NDC80: variants seen among roughly 807,000 people sequenced by gnomAD.
The protein encoded by NDC80 is kinetochore protein NDC80 homolog.
In NDC80, 69 loss-of-function variants were observed where a neutral mutation model predicts 89.3. The ratio of observed to expected loss-of-function variants is 0.77; its 90% CI spans 0.64 to 0.94. NDC80 has a LOEUF of 0.94. Among genes scored for constraint, NDC80 ranks in the 40% least tolerant of loss-of-function variants. NDC80 has a pLI of 0.00. For missense variants in NDC80, 593 were observed against 739.6 expected (o/e 0.80, Z 2.30); for synonymous variants, 243 against 255.6 (o/e 0.95, Z 0.47).
At chr18:2,601,609 A>G in intron 13 of NDC80, 124 bp downstream of exon 13, 1 of 462,702 alleles carries the variant, frequency 2.2e-6, no homozygotes, top group East Asian at 3.4e-5. Flanking sequence ...TGAAAAAATG[A>G]GAATTGGGTA....
In NDC80 at chr18:2,589,241, A is replaced by G; in HGVS notation, c.801A>G (p.Ser267=). The G allele has an allele frequency of 6.2e-7, 1 of 1,613,762 alleles. No homozygotes were observed. The highest frequency in any genetic ancestry group is 8.5e-7 in the Non-Finnish European group (1 of 1,179,696). Residue 267 remains serine (S), a synonymous_variant, in exon 9 of 17, where the codon TCA becomes TCG. Coordinates refer to ENST00000261597, the MANE Select transcript of NDC80 (RefSeq NM_006101.3). ...LFNVDAFKLE[S]LEAKNRALNE... is the part of the protein sequence containing the mutation. Reference sequence around the variant, plus strand: ...ATGTGGATGCTTTTAAGCTGGAATCATTAGAAGCAAAAAACAGAGCATTGA... The same window carrying G: ...ATGTGGATGCTTTTAAGCTGGAATCGTTAGAAGCAAAAAACAGAGCATTGA...
At chr18:2,586,571 AG>A (rs1165489441) in intron 7 of NDC80, among the ~76,000 whole-genome samples, 1 of 152,092 alleles carries the variant, frequency 6.6e-6, no homozygotes, top group East Asian at 1.9e-4. Flanking sequence ...CTCTGCAAAA[AG>A]TACAAAAATT....
chr18:2,607,709 T>C (rs1205241319), intron 14 of NDC80, among the ~76,000 whole-genome samples: 1 of 151,684 alleles, frequency 6.6e-6, no homozygotes, highest in African/African-American at 2.4e-5. Flanking sequence ...TTAGAAACAA[T>C]AGAGACTCGA....
chr18:2,612,746 T>C (rs1273096181), intron 16 of NDC80, among the ~76,000 whole-genome samples: 2 of 152,250 alleles, frequency 1.3e-5, no homozygotes, highest in South Asian at 4.1e-4. Flanking sequence ...TATTATTTTT[T>C]AGTTTCTGTA....
chr18:2,605,321 T>A (rs1025555629), intron 13 of NDC80, among the ~76,000 whole-genome samples: 4 of 143,026 alleles, frequency 2.8e-5, no homozygotes, highest in African/African-American at 1.1e-4. Flanking sequence ...TGTGTGTGTG[T>A]GTGTGTGTAT....
Position 2,572,310 on chromosome 18 carries a change from A to G in NDC80, c.-10+627A>G, listed in dbSNP as rs143857064. On this transcript the variant is annotated intron_variant, in intron 1 of 16. Coordinates refer to ENST00000261597, the MANE Select transcript of NDC80 (RefSeq NM_006101.3). Reference sequence around the variant, plus strand: ...TGAGACAGGATCAAAAGTTTTGTCAATCATGTGTATCCTAGGAGACAAATT... The same window carrying G: ...TGAGACAGGATCAAAAGTTTTGTCAGTCATGTGTATCCTAGGAGACAAATT... Among the ~76,000 whole-genome samples, 305 of 152,312 alleles carry G rather than the reference A, an allele frequency of 2.0e-3. 2 individuals are homozygous for G. Among genetic ancestry groups the G allele is most frequent in the African/African-American group, 6.9e-3 (285 of 41,574 alleles).
chr18:2,589,714 A>T (rs2072618004), intron 9 of NDC80, among the ~76,000 whole-genome samples: 1 of 136,338 alleles, frequency 7.3e-6, no homozygotes, highest in African/African-American at 3.8e-5. Flanking sequence ...TAAAAGCTAA[A>T]TATTAATATC....
At chr18:2,586,533 C>A (rs2072603861) in intron 7 of NDC80, among the ~76,000 whole-genome samples, 1 of 152,080 alleles carries the variant, frequency 6.6e-6, no homozygotes, top group African/African-American at 2.4e-5. Flanking sequence ...AGTTCAAGAC[C>A]AGCCTAAGCA....
chr18:2,593,423 GCAGA>G (rs1420920157), intron 10 of NDC80, among the ~76,000 whole-genome samples: 5 of 152,098 alleles, frequency 3.3e-5, no homozygotes, highest in Non-Finnish European at 1.5e-5. Context: ...TATCCCAAAG[GCAGA>G]CAGTCTTCAC....
intron 6 of NDC80, among the ~76,000 whole-genome samples, chr18:2,579,481 GCGGTGGC>G (rs1266784776): frequency 5.9e-5 from 9 of 152,122 alleles, no homozygotes; most frequent in Non-Finnish European, 8.8e-5. Context: ...AGGCTGGAGT[GCGGTGGC>G]ATGATCTCAG....
At chr18:2,599,437 TA>T (rs1461288043) in intron 12 of NDC80, among the ~76,000 whole-genome samples, 3 of 152,152 alleles carry the variant, frequency 2.0e-5, no homozygotes, top group Non-Finnish European at 4.4e-5. Context: ...GAGAAAGACA[TA>T]AATAAATGCT....
chr18:2,594,215 C>G (rs890092022), intron 10 of NDC80: 2 of 153,296 alleles, frequency 1.3e-5, no homozygotes, highest in African/African-American at 4.8e-5. Context: ...ATTTAATCAA[C>G]TATTACATAC....
chr18:2,573,189 G>A (rs1329849873), intron 2 of NDC80, 103 bp downstream of exon 2: 1 of 915,286 alleles, frequency 1.1e-6, no homozygotes, highest in African/African-American at 1.7e-5. Context: ...TGATGTCTTG[G>A]TGAATCTTGT....
intron 2 of NDC80, among the ~76,000 whole-genome samples, chr18:2,573,366 C>G (rs2072529418): frequency 6.6e-6 from 1 of 152,174 alleles, no homozygotes; most frequent in Non-Finnish European, 1.5e-5. Flanking sequence ...TCTTATTTTT[C>G]TCTTTTATTC....
In NDC80 at chr18:2,587,941, T is replaced by C. The variant is rs957078771; in HGVS notation, c.763+18T>C. 1 of 1,606,036 alleles carries C rather than the reference T, an allele frequency of 6.2e-7. No individual in the cohort carries two copies. Among genetic ancestry groups the C allele is most frequent in the Non-Finnish European group, 8.5e-7 (1 of 1,173,380 alleles). ...AAAACTGAGTAAGTGTTCTCGTTCT[T>C]AGGGTGCTTGCTTTTGGTCATTTCA... On this transcript the variant is annotated intron_variant, in intron 8 of 16. Coordinates refer to ENST00000261597, the MANE Select transcript of NDC80 (RefSeq NM_006101.3).
At chr18:2,585,749 A>C (rs759105635) in intron 7 of NDC80, among the ~76,000 whole-genome samples, 2 of 152,198 alleles carry the variant, frequency 1.3e-5, no homozygotes, top group Non-Finnish European at 2.9e-5. Context: ...CAAAAATTTG[A>C]AAATTTTAAC....
chr18:2,572,945 GTT>G (rs761567239), intron 1 of NDC80, 30 bp from the exon 2 acceptor site: 1 of 1,567,826 alleles, frequency 6.4e-7, no homozygotes, highest in South Asian at 1.1e-5. Flanking sequence ...TGTCTGGAAA[GTT>G]TTTTTTAAAT....
intron 16 of NDC80, among the ~76,000 whole-genome samples, chr18:2,612,681 C>T (rs2072751945): frequency 6.6e-6 from 1 of 152,136 alleles, no homozygotes; most frequent in African/African-American, 2.4e-5. Flanking sequence ...TCACAGTTAT[C>T]AATGTTTTAA....
chr18:2,603,225 A>G (rs1191515796), intron 13 of NDC80, among the ~76,000 whole-genome samples: 1 of 151,940 alleles, frequency 6.6e-6, no homozygotes, highest in Non-Finnish European at 1.5e-5. Context: ...GTGGAGGGGA[A>G]AGTGGCAGAG....
Sources: gnomAD v4.1 joint callset for allele counts (sites outside exome capture counted in the v4.1 genomes callset) on GRCh38, gnomAD v4.1.1 for gene constraint, MANE v1.5 for transcripts, NCBI Gene and HGNC (gene_info 2026-07-23, HGNC 2026-07-21) for gene names.